Variants in PEX1 observed in about 807,000 individuals in gnomAD.
PEX1 encodes the protein peroxisomal biogenesis factor 1, also known as peroxisomal ATPase PEX1.
Under a neutral mutation model 152.5 loss-of-function variants are expected in PEX1, and 97 were observed. That is an observed-to-expected ratio of 0.64 (90% CI 0.54 to 0.75). The LOEUF is 0.75. PEX1 is among the 30% of genes least tolerant of loss of function. PEX1 has a pLI of 0.00. For missense variants in PEX1, 1,357 were observed against 1,516.3 expected, an observed-to-expected ratio of 0.89 and a Z score of 1.74; for synonymous variants, 485 against 531.6, an observed-to-expected ratio of 0.91 and a Z score of 1.21.
intron 1 of PEX1, among the ~76,000 whole-genome samples, chr7:92,524,336 C>T (rs113639359): frequency 0.034 from 5,195 of 151,440 alleles, 82 homozygotes; most frequent in Middle Eastern, 0.075. Flanking sequence ...GGCACAATCT[C>T]GGCTCACTGC....
At chr7:92,514,585 CACAG>C (rs1277334182) in intron 5 of PEX1, among the ~76,000 whole-genome samples, 3 of 152,250 alleles carry the variant, frequency 2.0e-5, no homozygotes, top group African/African-American at 4.8e-5. Context: ...CAAAACTAAT[CACAG>C]ACAATCTGCC....
At chr7:92,505,412 CAAAAAAA>C (rs11370289) in intron 11 of PEX1, among the ~76,000 whole-genome samples, 1 of 133,830 alleles carries the variant, frequency 7.5e-6, no homozygotes, top group Non-Finnish European at 1.6e-5. Context: ...GACTCTGTCT[CAAAAAAA>C]AAAAAAAAGA....
At chr7:92,505,991 T>C (rs911025782) in intron 11 of PEX1, among the ~76,000 whole-genome samples, 3 of 152,084 alleles carry the variant, frequency 2.0e-5, no homozygotes, top group African/African-American at 4.8e-5. Flanking sequence ...TTCAGAGTGG[T>C]GTCAGTGAGC....
chr7:92,494,232 A>T, intron 19 of PEX1, 61 bp downstream of exon 19: 2 of 1,239,792 alleles, frequency 1.6e-6, no homozygotes, highest in African/African-American at 2.9e-5. Context: ...GCAGAAGTAA[A>T]GCTCACAAGG....
chr7:92,490,659 A>G (rs1248528977), intron 21 of PEX1, among the ~76,000 whole-genome samples: 9 of 150,908 alleles, frequency 6.0e-5, no homozygotes, highest in Admixed American at 5.9e-4. Context: ...AAAAGCCTAA[A>G]TTAATAAAGC....
intron 2 of PEX1, among the ~76,000 whole-genome samples, chr7:92,521,624 G>C (rs532664898): frequency 1.5e-4 from 23 of 151,678 alleles, no homozygotes; most frequent in Non-Finnish European, 2.4e-4. Context: ...TAGTAGAGAG[G>C]GGGGGTTTCA....
intron 20 of PEX1, 23 bp from the exon 21 acceptor site, chr7:92,491,525 C>T: frequency 7.1e-7 from 1 of 1,402,900 alleles, no homozygotes; most frequent in Non-Finnish European, 1.0e-6. Flanking sequence ...AAAGGACAAC[C>T]AGTTTAAAGA....
chr7:92,498,535 T>G (rs867276795), intron 16 of PEX1, among the ~76,000 whole-genome samples: 2 of 152,088 alleles, frequency 1.3e-5, no homozygotes, highest in Non-Finnish European at 1.5e-5. Context: ...CTAAACTGAT[T>G]TATAAATCAA....
chr7:92,488,457 A>G (rs1791058745), intron 23 of PEX1, among the ~76,000 whole-genome samples: 2 of 152,188 alleles, frequency 1.3e-5, no homozygotes, highest in South Asian at 2.1e-4. Context: ...ATCACACTGA[A>G]TCATTGACCT....
chr7:92,495,836 TTATATC>T (rs1275055880), intron 17 of PEX1, among the ~76,000 whole-genome samples: 2 of 152,124 alleles, frequency 1.3e-5, no homozygotes, highest in African/African-American at 2.4e-5. Context: ...ATTTTTTAGT[TTATATC>T]TATAATTTTC....
At chr7:92,516,046 G>GAAA (rs1585251830) in intron 5 of PEX1, among the ~76,000 whole-genome samples, 139 of 93,804 alleles carry the variant, frequency 1.5e-3, no homozygotes, top group African/African-American at 5.5e-3. Flanking sequence ...GAGAAGAGAA[G>GAAA]AGAAGAGAAA....
chr7:92,493,873 A>G (rs1014462300), intron 19 of PEX1: 2 of 198,920 alleles, frequency 1.0e-5, no homozygotes, highest in Admixed American at 5.3e-5. Context: ...TTGGAGAATA[A>G]GAGTTGGAAC....
chr7:92,510,461 G>A (rs1036401433), intron 8 of PEX1, among the ~76,000 whole-genome samples: 28 of 151,242 alleles, frequency 1.9e-4, no homozygotes, highest in African/African-American at 5.6e-4. Context: ...GTGAGACACC[G>A]TCTTTTAAAA....
chr7:92,489,828 A>C lies in PEX1; in HGVS notation c.3522T>G (p.Pro1174=), dbSNP rs1791183949. Residue 1174 remains proline, a synonymous_variant, in exon 22 of 24, where the codon CCT becomes CCG. Transcript: ENST00000248633. ...VPGKDQLFSQ[P]PVLRTASQEG... ...CTTGTGAAGCTGTCCTTAACACTGGAGGCTGTGAAAACAACTGGTCTTTCC... is the reference window on the plus strand; with the variant it reads ...CTTGTGAAGCTGTCCTTAACACTGGCGGCTGTGAAAACAACTGGTCTTTCC... 1.9e-6 allele frequency: 3 copies of C among 1,614,016 alleles called. No homozygotes were observed. Among genetic ancestry groups the C allele is most frequent in the Non-Finnish European group, 2.5e-6 (3 of 1,179,936 alleles).
At chr7:92,501,174 G>A (rs1791904027) in intron 15 of PEX1, among the ~76,000 whole-genome samples, 1 of 152,146 alleles carries the variant, frequency 6.6e-6, no homozygotes, top group South Asian at 2.1e-4. Context: ...AAATTAAAGA[G>A]TTGGCCGGGC....
At chr7:92,514,458 T>G (rs1048723486) in intron 5 of PEX1, among the ~76,000 whole-genome samples, 6 of 152,232 alleles carry the variant, frequency 3.9e-5, no homozygotes, top group African/African-American at 1.2e-4. Flanking sequence ...TTTGACTGTA[T>G]TCACCAAACC....
At chr7:92,488,554 T>C (rs1178934011) in intron 23 of PEX1, among the ~76,000 whole-genome samples, 1 of 152,126 alleles carries the variant, frequency 6.6e-6, no homozygotes, top group Non-Finnish European at 1.5e-5. Context: ...GTATAACAAA[T>C]GTGGTCCACA....
At chr7:92,507,265 G>C in intron 9 of PEX1, 139 bp from the exon 10 acceptor site, 1 of 695,432 alleles carries the variant, frequency 1.4e-6, no homozygotes, top group Non-Finnish European at 2.3e-6. Flanking sequence ...TTGAGAAAGG[G>C]GCTTGCTGTG....
Position 92,517,630 on chromosome 7 carries a change from A to G in PEX1, c.885T>C (p.Pro295=). 1 of 1,614,038 alleles carries G rather than the reference A, an allele frequency of 6.2e-7. No individual in the cohort carries two copies. Among genetic ancestry groups the G allele is most frequent in the African/African-American group, 1.3e-5 (1 of 75,022 alleles). The change falls in exon 5 of 24, where the codon CCT becomes CCC. Residue 295 remains proline (P), a synonymous_variant. Transcript: ENST00000248633. ...NIFRVCKSQP[P]SIYNASATSV... is the part of the protein sequence containing the mutation. ...AGGTTGCTGACGCGTTATATATACT[A>G]GGAGGTTGAGATTTGCATACTCTGA...
Sources: allele counts gnomAD v4.1 joint callset (sites outside exome capture counted in the v4.1 genomes callset), GRCh38; gene constraint gnomAD v4.1.1; transcripts MANE v1.5; gene names NCBI Gene and HGNC (gene_info 2026-07-23, HGNC 2026-07-21).